PLXDC2: variants seen among roughly 807,000 people sequenced by gnomAD.
PLXDC2 encodes the protein plexin domain-containing protein 2.
PLXDC2 carries 40 observed loss-of-function variants against 68.9 expected under a neutral mutation model. The observed-to-expected ratio is 0.58, with a 90% CI of 0.45 to 0.76. The LOEUF (loss-of-function observed/expected upper bound fraction) is 0.76. PLXDC2 is among the 30% of genes least tolerant of loss of function. The pLI is 0.00. For missense variants in PLXDC2, 644 were observed against 661.9 expected (o/e 0.97, Z 0.30); for synonymous variants, 243 against 234.2 (o/e 1.04, Z -0.34).
At chr10:19,920,305 G>A (rs111625151) in intron 1 of PLXDC2, among the ~76,000 whole-genome samples, 2,458 of 152,294 alleles carry the variant, frequency 0.016, 26 homozygotes, top group Non-Finnish European at 0.026. Context: ...ACCTAGGTGA[G>A]GACAGGCATT....
intron 4 of PLXDC2, among the ~76,000 whole-genome samples, chr10:20,097,521 C>G (rs371875325): frequency 5.9e-5 from 9 of 152,228 alleles, no homozygotes; most frequent in South Asian, 2.1e-4. Context: ...AAATTTCCTC[C>G]TATTATACCT....
At chr10:20,173,252 T>A (rs1367392677) in intron 7 of PLXDC2, among the ~76,000 whole-genome samples, 1 of 152,216 alleles carries the variant, frequency 6.6e-6, no homozygotes, top group African/African-American at 2.4e-5. Flanking sequence ...TCATTAAGCA[T>A]TGGCAACACA....
At chr10:19,953,486 G>A (rs74828039) in intron 1 of PLXDC2, among the ~76,000 whole-genome samples, 8,328 of 152,250 alleles carry the variant, frequency 0.055, 241 homozygotes, top group African/African-American at 0.073. Context: ...GAGAAATCCG[G>A]GGTAACACCT....
intron 1 of PLXDC2, among the ~76,000 whole-genome samples, chr10:19,866,979 G>T (rs774996616): frequency 3.3e-5 from 5 of 151,824 alleles, no homozygotes; most frequent in Admixed American, 6.6e-5. Context: ...AGTTTGGCCT[G>T]TGGGTTTTCC....
chr10:20,158,851 G>T (rs1834253402), intron 6 of PLXDC2, among the ~76,000 whole-genome samples: 1 of 152,082 alleles, frequency 6.6e-6, no homozygotes, highest in Non-Finnish European at 1.5e-5. Context: ...AGAAAGCCTG[G>T]AATTGTTCAC....
Position 20,197,253 on chromosome 10 carries a change from G to C in PLXDC2, c.1062-14416G>C, listed in dbSNP as rs187730245. Among the ~76,000 whole-genome samples, 3 of 152,112 alleles carry C rather than the reference G, an allele frequency of 2.0e-5. No individual in the cohort carries two copies. The East Asian group carries it at 5.8e-4, about 29-fold the overall frequency. On this transcript the variant is annotated intron_variant, in intron 9 of 13. Transcript: ENST00000377252. ...CATTTCATTCATGTATACATAATCA[G>C]AAAAAACAAAACCATTTACCTAATG...
intron 6 of PLXDC2, among the ~76,000 whole-genome samples, chr10:20,149,449 G>A (rs1337556047): frequency 1.3e-5 from 2 of 151,726 alleles, no homozygotes; most frequent in African/African-American, 4.8e-5. Flanking sequence ...ATGTTGATCA[G>A]GCTGGTCTTG....
intron 9 of PLXDC2, among the ~76,000 whole-genome samples, chr10:20,210,680 G>T (rs1835057748): frequency 6.6e-6 from 1 of 152,138 alleles, no homozygotes; most frequent in Non-Finnish European, 1.5e-5. Context: ...TTATACTCAA[G>T]GTTGCCACAG....
chr10:20,127,461 C>G (rs768594544), intron 4 of PLXDC2, among the ~76,000 whole-genome samples: 1 of 152,096 alleles, frequency 6.6e-6, no homozygotes, highest in Admixed American at 6.5e-5. Context: ...GGGCAAGGAT[C>G]TGAAAGGGAT....
intron 12 of PLXDC2, among the ~76,000 whole-genome samples, chr10:20,241,386 C>G (rs1391108220): frequency 2.0e-5 from 3 of 152,130 alleles, no homozygotes; most frequent in Admixed American, 6.5e-5. Context: ...CTGGGAAAAG[C>G]TGCCTCCTTA....
chr10:20,072,493 GAGAAAGAAAGAAAGAA>G (rs55848042), intron 4 of PLXDC2, among the ~76,000 whole-genome samples: 13 of 80,776 alleles, frequency 1.6e-4, no homozygotes, highest in Admixed American at 5.9e-4. Flanking sequence ...AAGAAAGAAA[GAGAAAGAAAGAAAGAA>G]AGAAAGAAAG....
At position 19,994,312 on chromosome 10, in the gene PLXDC2, A is replaced by ATTTTT. The variant is rs869124443; in HGVS notation, c.113-7439_113-7435dup. 2.0e-4 allele frequency among the ~76,000 whole-genome samples: 7 copies of ATTTTT among 34,324 alleles called. 1 individual carries two copies. The highest frequency in any genetic ancestry group is 7.5e-4 in the African/African-American group (6 of 8,042). The allele number at this position is 34,324 out of a possible 152,430, so 22.5% of individuals were successfully genotyped here. On this transcript the variant is annotated intron_variant, in intron 1 of 13. Transcript: ENST00000377252. ...TCTGACTACTTGGAAACATGATTAA[A>ATTTTT]TTTTTTTTTTTTTTTTTTTTTTTTT...
intron 2 of PLXDC2, among the ~76,000 whole-genome samples, chr10:20,022,019 T>C (rs1356265805): frequency 6.6e-6 from 1 of 152,226 alleles, no homozygotes. Context: ...TGTAGACATC[T>C]GCTTAAAATG....
At chr10:20,246,412 C>T (rs1477275096) in intron 13 of PLXDC2, among the ~76,000 whole-genome samples, 1 of 152,164 alleles carries the variant, frequency 6.6e-6, no homozygotes, top group Non-Finnish European at 1.5e-5. Context: ...TGCCGTGGTG[C>T]GATCTCGGCT....
At chr10:19,893,922 A>G (rs926174429) in intron 1 of PLXDC2, among the ~76,000 whole-genome samples, 3 of 152,228 alleles carry the variant, frequency 2.0e-5, no homozygotes, top group Non-Finnish European at 2.9e-5. Context: ...AAATGACTTC[A>G]CCAGTTAGGG....
At chr10:20,125,766 C>G (rs1482235702) in intron 4 of PLXDC2, among the ~76,000 whole-genome samples, 1 of 151,782 alleles carries the variant, frequency 6.6e-6, no homozygotes, top group Admixed American at 6.6e-5. Flanking sequence ...GATTAATGTA[C>G]ACAGCAGTGT....
At chr10:20,110,686 C>T (rs548221865) in intron 4 of PLXDC2, among the ~76,000 whole-genome samples, 15 of 152,282 alleles carry the variant, frequency 9.9e-5, no homozygotes, top group South Asian at 4.1e-4. Context: ...CTGTTCCTCC[C>T]GGCAGCTGAC....
chr10:19,886,805 T>A (rs1228537276), intron 1 of PLXDC2, among the ~76,000 whole-genome samples: 1 of 152,112 alleles, frequency 6.6e-6, no homozygotes, highest in Non-Finnish European at 1.5e-5. Flanking sequence ...TGAGAAAAAA[T>A]TCTGTAATTC....
chr10:20,058,302 T>C (rs1836036460), intron 3 of PLXDC2, among the ~76,000 whole-genome samples: 1 of 152,128 alleles, frequency 6.6e-6, no homozygotes, highest in Non-Finnish European at 1.5e-5. Context: ...AACATGCTAG[T>C]GGAGTGGCAG....
Sources: gnomAD v4.1 joint callset for allele counts (sites outside exome capture counted in the v4.1 genomes callset) on GRCh38, gnomAD v4.1.1 for gene constraint, MANE v1.5 for transcripts, NCBI Gene and HGNC (gene_info 2026-07-23, HGNC 2026-07-21) for gene names.